TIAM2: variants seen among roughly 807,000 people sequenced by gnomAD.
TIAM2 encodes TIAM Rac1 associated GEF 2.
In TIAM2, 80 loss-of-function variants were observed where a neutral mutation model predicts 152.9. That is an observed-to-expected ratio of 0.52 (90% CI 0.44 to 0.63). TIAM2 has a LOEUF of 0.63. Ranked by LOEUF, TIAM2 falls within the 30% of genes least tolerant of loss-of-function variation. The pLI is 0.00. For synonymous variants in TIAM2, 804 were observed against 838.0 expected (o/e 0.96, Z 0.70); for missense variants, 1,965 against 2,120.1 (o/e 0.93, Z 1.44).
intron 1 of TIAM2, among the ~76,000 whole-genome samples, chr6:155,069,164 G>A (rs1056242251): frequency 2.0e-5 from 3 of 151,986 alleles, no homozygotes; most frequent in Non-Finnish European, 2.9e-5. Flanking sequence ...ACGCAGTCTC[G>A]ACTCACTACA....
intron 1 of TIAM2, among the ~76,000 whole-genome samples, chr6:155,075,680 A>C (rs1369792993): frequency 6.6e-6 from 1 of 152,196 alleles, no homozygotes; most frequent in Non-Finnish European, 1.5e-5. Context: ...AAATCTAGAC[A>C]TGAAATTTGT....
chr6:155,164,133 G>GTTTTGTTTTTTTTT (rs1780349793), intron 7 of TIAM2, among the ~76,000 whole-genome samples: 1 of 118,006 alleles, frequency 8.5e-6, no homozygotes, highest in Non-Finnish European at 1.7e-5. Flanking sequence ...TAATTTTTGT[G>GTTTTGTTTTTTTTT]TTTTTTTTTT....
At chr6:155,203,388 C>T (rs1441610569) in intron 14 of TIAM2, among the ~76,000 whole-genome samples, 1 of 152,050 alleles carries the variant, frequency 6.6e-6, no homozygotes, top group Non-Finnish European at 1.5e-5. Context: ...ACGAGTTTTT[C>T]ATTTATGGAA....
Position 155,256,641 on chromosome 6 carries a change from G to C in TIAM2, c.4626G>C (p.Lys1542Asn), listed in dbSNP as rs768530445. The C allele has an allele frequency of 1.2e-6, 2 of 1,614,174 alleles. No individual in the cohort carries two copies. The highest frequency in any genetic ancestry group is 1.1e-5 in the South Asian group (1 of 91,088). The change falls in exon 27 of 27, where the codon AAG (lysine) becomes AAC (asparagine). Residue 1542 changes from lysine to asparagine, a missense_variant. Transcript: ENST00000682666. The part of the protein sequence containing the change: ...CPTAEGRQDS[K>N]STSPGKYPHP... ...CGGCTGAGGGCAGGCAGGACTCCAA[G>C]AGCACTTCTCCCGGGAAATACCCAC...
chr6:155,104,047 C>T (rs1215051953), intron 2 of TIAM2, among the ~76,000 whole-genome samples: 1 of 96,060 alleles, frequency 1.0e-5, no homozygotes, highest in East Asian at 2.2e-4. Context: ...CACACCCCCC[C>T]CCCCACACCC....
intron 1 of TIAM2, among the ~76,000 whole-genome samples, chr6:155,020,434 T>C (rs1776452357): frequency 6.6e-6 from 1 of 152,140 alleles, no homozygotes; most frequent in Admixed American, 6.6e-5. Context: ...GTAAAATTAT[T>C]GTGGTCAAAT....
intron 2 of TIAM2, among the ~76,000 whole-genome samples, chr6:155,109,949 T>C (rs1778796460): frequency 2.8e-5 from 1 of 36,214 alleles, no homozygotes; most frequent in South Asian, 1.7e-3. Context: ...GCACAGACTT[T>C]TTTTTTTTTT....
Position 155,164,454 on chromosome 6 carries a change from G to C in TIAM2, c.2068G>C (p.Asp690His). 1 of 1,609,624 alleles carries C rather than the reference G, an allele frequency of 6.2e-7. No individual in the cohort carries two copies. The highest frequency in any genetic ancestry group is 8.5e-7 in the Non-Finnish European group (1 of 1,176,630). Residue 690 changes from aspartate (D) to histidine (H), a missense_variant, in exon 8 of 27, where the codon GAT becomes CAT. Around this residue, in one of 3 missense-constraint regions of TIAM2, gnomAD observed 1,025 missense variants for 1,119.4 expected, o/e 0.92. Coordinates refer to ENST00000682666, the MANE Select transcript of TIAM2 (RefSeq NM_012454.4). ...GCAGAATCTTGAGAAATTTCACATGGATCTGTTCAGGATGCGCTGCTATCT... is the reference window on the plus strand; with the variant it reads ...GCAGAATCTTGAGAAATTTCACATGCATCTGTTCAGGATGCGCTGCTATCT... ...WEQNLEKFHM[D>H]LFRMRCYLAS...
At chr6:155,228,025 G>A (rs1782308908) in intron 15 of TIAM2, among the ~76,000 whole-genome samples, 1 of 152,178 alleles carries the variant, frequency 6.6e-6, no homozygotes, top group Non-Finnish European at 1.5e-5. Flanking sequence ...TAAGGCAGCC[G>A]GGAACCCACA....
chr6:155,055,285 T>G (rs1407292325), intron 1 of TIAM2, among the ~76,000 whole-genome samples: 1 of 152,190 alleles, frequency 6.6e-6, no homozygotes, highest in Non-Finnish European at 1.5e-5. Flanking sequence ...CATTCCAGCG[T>G]CCTCTCACAT....
At chr6:155,222,216 A>T (rs1332637369) in intron 15 of TIAM2, among the ~76,000 whole-genome samples, 1 of 151,862 alleles carries the variant, frequency 6.6e-6, no homozygotes, top group Non-Finnish European at 1.5e-5. Context: ...AGCCTCCCAA[A>T]GTGTTGGGAT....
intron 4 of TIAM2, among the ~76,000 whole-genome samples, chr6:155,136,637 C>T (rs529382317): frequency 2.6e-5 from 4 of 152,246 alleles, no homozygotes; most frequent in African/African-American, 9.6e-5. Flanking sequence ...GAAGTCTAGA[C>T]CTGGGCACTT....
intron 19 of TIAM2, among the ~76,000 whole-genome samples, chr6:155,247,182 C>T (rs11752183): frequency 0.34 from 51,993 of 152,114 alleles, 9,663 homozygotes; most frequent in Middle Eastern, 0.51. Context: ...GGAGAAAAGA[C>T]ACTGCTTTCC....
chr6:155,243,655 T>A (rs565427031), intron 16 of TIAM2, among the ~76,000 whole-genome samples: 12 of 152,052 alleles, frequency 7.9e-5, no homozygotes, highest in African/African-American at 2.4e-4. Context: ...GAGACCAGCC[T>A]GACCAACATG....
In TIAM2 at chr6:155,085,298, G is replaced by A. The variant is rs967338388; in HGVS notation, c.-208-4991G>A. On this transcript the variant is annotated intron_variant, in intron 1 of 26. Transcript: ENST00000682666. Reference sequence around the variant, plus strand: ...ATTTGAAGAAGGCATGAATTTGAGAGAAAATTTTTAGTAACAAATGCATTC... The same window carrying A: ...ATTTGAAGAAGGCATGAATTTGAGAAAAAATTTTTAGTAACAAATGCATTC... 3.9e-5 allele frequency among the ~76,000 whole-genome samples: 6 copies of A among 152,306 alleles called. No homozygotes were observed. In the East Asian group the frequency reaches 7.7e-4, roughly 20 times the overall value.
chr6:154,998,270 G>A (rs1052214249), intron 1 of TIAM2, among the ~76,000 whole-genome samples: 1 of 152,130 alleles, frequency 6.6e-6, no homozygotes, highest in Non-Finnish European at 1.5e-5. Context: ...AGCTTTGCTC[G>A]CATAAACATG....
At chr6:155,106,076 C>A (rs1778681603) in intron 2 of TIAM2, among the ~76,000 whole-genome samples, 3 of 151,500 alleles carry the variant, frequency 2.0e-5, no homozygotes, top group African/African-American at 4.9e-5. Context: ...GTGATCTCGG[C>A]TCACTGCAAC....
At chr6:155,074,402 G>C (rs2114958264) in intron 1 of TIAM2, among the ~76,000 whole-genome samples, 1 of 152,080 alleles carries the variant, frequency 6.6e-6, no homozygotes, top group Non-Finnish European at 1.5e-5. Flanking sequence ...GCCCAGGCTG[G>C]AATGGCATGA....
Position 155,148,304 on chromosome 6 carries a change from C to T in TIAM2, c.1998C>T (p.Asp666=), listed in dbSNP as rs1185215788. The T allele has an allele frequency of 6.2e-7, 1 of 1,612,114 alleles. No individual in the cohort carries two copies. Among genetic ancestry groups the T allele is most frequent in the East Asian group, 2.2e-5 (1 of 44,874 alleles). ...MAELQLSVVS[D]PKNRKAIENQ... ...AGCTGCAGCTGTCCGTGGTGAGCGA[C>T]CCAAAGAACAGGAAAGCCATAGAGA... Residue 666 remains aspartate, a synonymous_variant, in exon 7 of 27, where the codon GAC becomes GAT. Transcript: ENST00000682666.
Sources: gnomAD v4.1 joint callset for allele counts (sites outside exome capture counted in the v4.1 genomes callset) on GRCh38, gnomAD v4.1.1 for gene constraint, gnomAD v4.1.1 regional missense constraint, MANE v1.5 for transcripts, NCBI Gene and HGNC (gene_info 2026-07-23, HGNC 2026-07-21) for gene names.